The following RIMBP2 variants were observed in gnomAD, a reference collection of about 807,000 sequenced individuals.
RIMBP2 encodes the protein RIMS-binding protein 2.
Under a neutral mutation model 118.6 loss-of-function variants are expected in RIMBP2, and 48 were observed. That is an observed-to-expected ratio of 0.40 (90% confidence interval 0.32 to 0.51). The LOEUF is 0.51. Among genes scored for constraint, RIMBP2 ranks in the 20% least tolerant of loss-of-function variants. The pLI, the probability that RIMBP2 is intolerant of heterozygous loss-of-function variation, is 0.41. For missense variants in RIMBP2, 1,551 were observed against 1,768.3 expected, an observed-to-expected ratio of 0.88 and a Z score of 2.20; for synonymous variants, 762 against 742.9, an observed-to-expected ratio of 1.03 and a Z score of -0.42.
At chr12:130,430,244 TCTC>T (rs1436331873) in intron 14 of RIMBP2, 1 of 152,176 alleles carries the variant, frequency 6.6e-6, no homozygotes, top group African/African-American at 2.4e-5. Flanking sequence ...GTGGGTGCCT[TCTC>T]CTAGGGGGAC....
intron 4 of RIMBP2, among the ~76,000 whole-genome samples, chr12:130,505,764 C>T (rs1234198257): frequency 1.1e-3 from 1 of 884 alleles, no homozygotes; most frequent in African/African-American, 7.0e-3. Context: ...CTCATCCCCA[C>T]CCCCCACCCC....
Position 130,550,583 on chromosome 12 carries a change from T to A in RIMBP2, c.-216-32666A>T, listed in dbSNP as rs554255366. On this transcript the variant is annotated intron_variant, in intron 2 of 22. Transcript: ENST00000690449. The stretch of plus-strand genomic sequence containing the variant: ...TAAAGAGTATACTCCTGAACAACTA[T>A]GTCCTATTTTTGCAATGTTTATGTG... 2.0e-5 allele frequency among the ~76,000 whole-genome samples: 3 copies of A among 152,322 alleles called. No individual in the cohort carries two copies. In the South Asian group the frequency reaches 6.2e-4, roughly 32 times the overall value.
rs879348858 is a variant in RIMBP2, at chr12:130,703,933, C to T, written c.-352+12289G>A. 8.5e-5 allele frequency among the ~76,000 whole-genome samples: 13 copies of T among 152,164 alleles called. No homozygotes were observed. Among genetic ancestry groups the T allele is most frequent in the Non-Finnish European group, 1.9e-4 (13 of 68,032 alleles). ...TGGGAGGCAGTGCCCCAGCTGTGCTCACCGGTGAGGGGAACACACCACCTT... is the reference window on the plus strand; with the variant it reads ...TGGGAGGCAGTGCCCCAGCTGTGCTTACCGGTGAGGGGAACACACCACCTT... On this transcript the variant is annotated intron_variant, in intron 1 of 22. Transcript: ENST00000690449. This position sits in a 1 kb window ranked among gnomAD's most constrained non-coding sequence, Gnocchi z 5.7.
intron 1 of RIMBP2, among the ~76,000 whole-genome samples, chr12:130,702,132 G>T (rs2065883697): frequency 6.6e-6 from 1 of 152,082 alleles, no homozygotes; most frequent in Admixed American, 6.5e-5. Flanking sequence ...TTACAGTGGG[G>T]GAGGAAAATC....
intron 1 of RIMBP2, among the ~76,000 whole-genome samples, chr12:130,633,556 C>T (rs1477625150): frequency 3.3e-5 from 5 of 152,070 alleles, no homozygotes; most frequent in Non-Finnish European, 4.4e-5. Flanking sequence ...GGCCTGAGGA[C>T]AGATTTGGAA....
At chr12:130,416,005 G>C (rs983378643) in intron 17 of RIMBP2, among the ~76,000 whole-genome samples, 1 of 151,426 alleles carries the variant, frequency 6.6e-6, no homozygotes, top group African/African-American at 2.4e-5. Flanking sequence ...ATCTAACCAA[G>C]ACACACAGAA....
intron 2 of RIMBP2, among the ~76,000 whole-genome samples, chr12:130,610,744 T>C (rs1250896817): frequency 1.3e-5 from 2 of 151,592 alleles, no homozygotes; most frequent in Admixed American, 1.3e-4. Flanking sequence ...GTATTTTTAG[T>C]AGAGACGGGG....
rs1447440560 is a variant in RIMBP2, at chr12:130,523,605, G to C, written c.-216-5688C>G. Reference sequence around the variant, plus strand: ...GGACAAGGTGGCCGCTTCTCTGGGGGAGAAACTGACAAGAGAAAGGAAAAA... The same window carrying C: ...GGACAAGGTGGCCGCTTCTCTGGGGCAGAAACTGACAAGAGAAAGGAAAAA... On this transcript the variant is annotated intron_variant, in intron 2 of 22. Transcript: ENST00000690449. This position sits in a 1 kb window ranked among gnomAD's most constrained non-coding sequence, Gnocchi z 4.4. 6.6e-6 allele frequency among the ~76,000 whole-genome samples: 1 copy of C among 152,220 alleles called. No homozygotes were observed. The highest frequency in any genetic ancestry group is 1.5e-5 in the Non-Finnish European group (1 of 68,042).
chr12:130,505,891 G>C (rs573100513), intron 4 of RIMBP2, among the ~76,000 whole-genome samples: 2 of 98,296 alleles, frequency 2.0e-5, no homozygotes, highest in African/African-American at 4.5e-5. Flanking sequence ...AGCTCCAAAC[G>C]CTTCCCCAAA....
intron 1 of RIMBP2, among the ~76,000 whole-genome samples, chr12:130,675,537 CCACCCCCATGCCTCCAGGCCGT>C (rs2064418806): frequency 1.7e-3 from 1 of 586 alleles, no homozygotes; most frequent in Non-Finnish European, 0.01. Flanking sequence ...TCCCTTCCGT[CCACCCCCATGCCTCCAGGCCGT>C]CCACCCCCAT....
At chr12:130,674,453 G>T (rs1182508111) in intron 1 of RIMBP2, among the ~76,000 whole-genome samples, 1 of 152,126 alleles carries the variant, frequency 6.6e-6, no homozygotes, top group Admixed American at 6.6e-5. Context: ...TGCTTCCTGG[G>T]GGACAGAGCA....
At chr12:130,452,019 C>A (rs1035331446) in intron 7 of RIMBP2, among the ~76,000 whole-genome samples, 1 of 152,152 alleles carries the variant, frequency 6.6e-6, no homozygotes, top group Admixed American at 6.5e-5. Context: ...GGCTGCTGAG[C>A]CCTGTCCTGG....
Position 130,456,589 on chromosome 12 carries a change from C to T in RIMBP2, c.265G>A (p.Gly89Ser), listed in dbSNP as rs2079462887. 2.5e-6 allele frequency: 4 copies of T among 1,613,524 alleles called. No individual in the cohort carries two copies. Among genetic ancestry groups the T allele is most frequent in the Non-Finnish European group, 2.5e-6 (3 of 1,179,674 alleles). Residue 89 changes from glycine to serine, a missense_variant, in exon 7 of 23, where the codon GGT (glycine) becomes AGT (serine). Around this residue, in one of 5 missense-constraint regions of RIMBP2, gnomAD observed 239 missense variants for 256.8 expected, o/e 0.93. Coordinates refer to ENST00000690449, the MANE Select transcript of RIMBP2 (RefSeq NM_001393629.1). The part of the protein sequence containing the change: ...RQHAGKIDLL[G>S]GSAVAPLDIS... Reference sequence around the variant, plus strand: ...TCCAGGGGGGCCACCGCGCTGCCACCCAGCAGGTCAATCTTGCCAGCGTGC... The same window carrying T: ...TCCAGGGGGGCCACCGCGCTGCCACTCAGCAGGTCAATCTTGCCAGCGTGC...
chr12:130,551,691 G>C (rs902392803), intron 2 of RIMBP2, among the ~76,000 whole-genome samples: 2 of 152,176 alleles, frequency 1.3e-5, no homozygotes, highest in African/African-American at 4.8e-5. Context: ...TGCACAGATA[G>C]AGCAAGGTGA....
At chr12:130,460,944 CCCTT>C (rs1393225139) in intron 6 of RIMBP2, among the ~76,000 whole-genome samples, 1 of 152,152 alleles carries the variant, frequency 6.6e-6, no homozygotes, top group African/African-American at 2.4e-5. Context: ...CAAAGTCACT[CCCTT>C]CTTGAAGCCT....
At chr12:130,468,570 C>A (rs957095684) in intron 6 of RIMBP2, among the ~76,000 whole-genome samples, 4 of 152,150 alleles carry the variant, frequency 2.6e-5, no homozygotes, top group African/African-American at 9.7e-5. Context: ...AGCCTCTCCT[C>A]CACCCCAGGG....
intron 2 of RIMBP2, among the ~76,000 whole-genome samples, chr12:130,561,114 C>T (rs1353678861): frequency 1.3e-5 from 2 of 152,136 alleles, no homozygotes; most frequent in African/African-American, 4.8e-5. Context: ...AAGATGGCCA[C>T]CAAATCACCA....
At chr12:130,495,166 A>C (rs2049025556) in intron 4 of RIMBP2, among the ~76,000 whole-genome samples, 1 of 152,200 alleles carries the variant, frequency 6.6e-6, no homozygotes, top group African/African-American at 2.4e-5. Context: ...ACAGATACAT[A>C]GATTTAGGAC....
intron 11 of RIMBP2, 143 bp downstream of exon 11, chr12:130,441,705 G>T: frequency 1.4e-6 from 1 of 724,238 alleles, no homozygotes. Context: ...TCTGTGCTTC[G>T]CCGGTGACCT....
Sources: gnomAD v4.1 joint callset for allele counts (sites outside exome capture counted in the v4.1 genomes callset) on GRCh38, gnomAD v4.1.1 for gene constraint, gnomAD v4.1.1 regional missense constraint, Gnocchi (gnomAD v3.1) non-coding constraint, MANE v1.5 for transcripts, NCBI Gene and HGNC (gene_info 2026-07-23, HGNC 2026-07-21) for gene names.